The following PTK2 variants were observed in gnomAD, a reference collection of about 807,000 sequenced individuals.
The protein encoded by PTK2 is protein tyrosine kinase 2, also known as focal adhesion kinase 1.
PTK2 carries 45 observed loss-of-function variants against 150.1 expected under a neutral mutation model. The ratio of observed to expected loss-of-function variants is 0.30; its 90% CI spans 0.24 to 0.38. The LOEUF is 0.38. PTK2 is among the 10% of genes least tolerant of loss of function. PTK2 has a pLI of 1.00. For missense variants in PTK2, 919 were observed against 1,307.3 expected (o/e 0.70, Z 4.58); for synonymous variants, 432 against 449.2 (o/e 0.96, Z 0.48).
At position 140,697,449 on chromosome 8, in the gene PTK2, TG is replaced by T. The variant is rs1465451133; in HGVS notation, c.2499+3441del. Among the ~76,000 whole-genome samples, 10 of 151,728 alleles carry T rather than the reference TG, an allele frequency of 6.6e-5. No homozygotes were observed. In the East Asian group the frequency reaches 1.2e-3, roughly 18 times the overall value. On this transcript the variant is annotated intron_variant, in intron 26 of 31. Coordinates refer to ENST00000522684, the Ensembl canonical transcript of PTK2. ...GTGTGTGTGTGTGTGTGTGTGTGTG[TG>T]TGTGTTTTTAAACGGAGTCTTGCTC...
intron 2 of PTK2, among the ~76,000 whole-genome samples, chr8:140,908,860 A>G (rs1382653497): frequency 1.3e-5 from 2 of 152,220 alleles, no homozygotes; most frequent in Non-Finnish European, 2.9e-5. Context: ...CTTAATTCTC[A>G]ATTTTGAGTA....
chr8:140,800,709 G>A lies in PTK2; in HGVS notation c.976-133C>T, dbSNP rs144438133. 945 of 657,936 alleles carry A rather than the reference G, an allele frequency of 1.4e-3. 5 individuals carry two copies. The African/African-American group carries it at 0.015, about 11-fold the overall frequency. 40.8% of individuals were successfully genotyped at this position (657,936 alleles called of 1,614,324 possible). On this transcript the variant is annotated intron_variant, in intron 11 of 31. Coordinates refer to ENST00000522684, the Ensembl canonical transcript of PTK2. ...GTGGGAATGAAACAAGATTTGTCAT[G>A]AGATTTGAGAAAGGAAATCTGATAT... is the stretch of plus-strand genomic sequence containing the variant.
chr8:140,940,069 C>T (rs1043920535), intron 1 of PTK2, among the ~76,000 whole-genome samples: 4 of 152,186 alleles, frequency 2.6e-5, no homozygotes, highest in African/African-American at 9.7e-5. Flanking sequence ...GATTCACATT[C>T]ACTCATCACT....
At chr8:140,887,645 GA>G (rs1199289173) in intron 3 of PTK2, among the ~76,000 whole-genome samples, 1 of 151,936 alleles carries the variant, frequency 6.6e-6, no homozygotes, top group East Asian at 1.9e-4. Context: ...CTGTCCAGCA[GA>G]AATATAATGC....
chr8:140,687,124 C>T (rs1205651977), intron 26 of PTK2: 2 of 175,472 alleles, frequency 1.1e-5, no homozygotes, highest in Admixed American at 6.0e-5. Flanking sequence ...TTTTCCCACA[C>T]TGCATCTAGA....
At chr8:140,843,652 G>T (rs1470804645) in intron 7 of PTK2, among the ~76,000 whole-genome samples, 2 of 152,032 alleles carry the variant, frequency 1.3e-5, no homozygotes, top group Non-Finnish European at 2.9e-5. Flanking sequence ...TACCTTCTTA[G>T]ATCATCTCTA....
chr8:140,976,177 G>A (rs2100189198), intron 1 of PTK2, among the ~76,000 whole-genome samples: 1 of 152,206 alleles, frequency 6.6e-6, no homozygotes, highest in South Asian at 2.1e-4. Flanking sequence ...AATATTTGAA[G>A]TTGGGTCTTG....
At chr8:140,815,542 C>T (rs968147017) in intron 10 of PTK2, among the ~76,000 whole-genome samples, 4 of 152,114 alleles carry the variant, frequency 2.6e-5, no homozygotes, top group African/African-American at 4.8e-5. Flanking sequence ...AACAAATCTG[C>T]CCATGTACCC....
Position 140,734,539 on chromosome 8 carries a change from C to A in PTK2, c.2030+712G>T, listed in dbSNP as rs375032951. On this transcript the variant is annotated intron_variant, in intron 22 of 31. Transcript: ENST00000522684. Reference sequence around the variant, plus strand: ...CGAACAAGAACCTCTCCAGGCCAGGCAACAGGGTAGAGTATGCACATGCTT... The same window carrying A: ...CGAACAAGAACCTCTCCAGGCCAGGAAACAGGGTAGAGTATGCACATGCTT... Among the ~76,000 whole-genome samples, 6 of 152,254 alleles carry A rather than the reference C, an allele frequency of 3.9e-5. No homozygotes were observed. The East Asian group carries it at 7.7e-4, about 20-fold the overall frequency.
At chr8:140,731,116 C>T (rs567023814) in intron 22 of PTK2, among the ~76,000 whole-genome samples, 3 of 152,084 alleles carry the variant, frequency 2.0e-5, no homozygotes, top group East Asian at 3.9e-4. Context: ...CCTGCCACCA[C>T]GCCGGGCTAA....
intron 2 of PTK2, among the ~76,000 whole-genome samples, chr8:140,912,818 G>A (rs2100163740): frequency 1.3e-5 from 2 of 151,862 alleles, no homozygotes; most frequent in Admixed American, 1.3e-4. Flanking sequence ...AATTAGACGA[G>A]CTTGGTAGTC....
At chr8:140,981,611 G>A (rs998955955) in intron 1 of PTK2, among the ~76,000 whole-genome samples, 1 of 152,214 alleles carries the variant, frequency 6.6e-6, no homozygotes, top group African/African-American at 2.4e-5. Context: ...GTTTTACATC[G>A]TATATGGTTA....
chr8:140,973,821 G>A (rs573362246), intron 1 of PTK2, among the ~76,000 whole-genome samples: 4 of 152,260 alleles, frequency 2.6e-5, no homozygotes, highest in South Asian at 2.1e-4. Flanking sequence ...TAGCCCCAGC[G>A]TGAAATTCTG....
At chr8:140,937,581 A>G (rs1222438041) in intron 1 of PTK2, among the ~76,000 whole-genome samples, 1 of 120,212 alleles carries the variant, frequency 8.3e-6, no homozygotes, top group Non-Finnish European at 1.9e-5. Flanking sequence ...CTTTAAGTAA[A>G]CAATAAAAAA....
At chr8:140,777,858 GAA>G (rs2100079329) in intron 14 of PTK2, among the ~76,000 whole-genome samples, 1 of 152,154 alleles carries the variant, frequency 6.6e-6, no homozygotes, top group Non-Finnish European at 1.5e-5. Flanking sequence ...GAAGAGTCAG[GAA>G]GCCTGACTAT....
intron 12 of PTK2, among the ~76,000 whole-genome samples, chr8:140,799,539 A>C (rs992802172): frequency 5.3e-5 from 8 of 152,214 alleles, no homozygotes; most frequent in African/African-American, 1.7e-4. Flanking sequence ...CAACCCTACA[A>C]AATAGGTATC....
At chr8:140,952,813 A>G (rs761623946) in intron 1 of PTK2, among the ~76,000 whole-genome samples, 8 of 152,210 alleles carry the variant, frequency 5.3e-5, no homozygotes, top group Non-Finnish European at 1.0e-4. Context: ...ATTACCCTCA[A>G]TTGTACGATT....
intron 22 of PTK2, among the ~76,000 whole-genome samples, chr8:140,719,090 C>A (rs2154278361): frequency 6.6e-6 from 1 of 152,146 alleles, no homozygotes. Context: ...GCAGGAGAAT[C>A]CCTTGAACCC....
intron 14 of PTK2, 99 bp from the exon 17 acceptor site, chr8:140,764,389 T>G (rs778673678): frequency 1.1e-6 from 1 of 888,386 alleles, no homozygotes; most frequent in Non-Finnish European, 1.8e-6. Context: ...TTAAATCCTC[T>G]ACTACGCTGA....
Sources: allele counts gnomAD v4.1 joint callset (sites outside exome capture counted in the v4.1 genomes callset), GRCh38; gene constraint gnomAD v4.1.1; transcripts MANE v1.5; gene names NCBI Gene and HGNC (gene_info 2026-07-23, HGNC 2026-07-21).